Variants in SCN1A observed in about 807,000 individuals in gnomAD.
SCN1A encodes the protein sodium channel protein type 1 subunit alpha.
Under a neutral mutation model 193.7 loss-of-function variants are expected in SCN1A, and 13 were observed. That is an observed-to-expected ratio of 0.07 (90% CI 0.04 to 0.11). The LOEUF is 0.11. Ranked by LOEUF, SCN1A falls within the 10% of genes least tolerant of loss-of-function variation. SCN1A has a pLI of 1.00. For synonymous variants in SCN1A, 781 were observed against 843.6 expected, an observed-to-expected ratio of 0.93 and a Z score of 1.29; for missense variants, 1,432 against 2,451.1, an observed-to-expected ratio of 0.58 and a Z score of 8.78.
At chr2:166,107,548 T>A (rs559113108) in intron 2 of SCN1A, among the ~76,000 whole-genome samples, 13 of 152,150 alleles carry the variant, frequency 8.5e-5, no homozygotes, top group African/African-American at 3.1e-4. Flanking sequence ...AAGTATGAAT[T>A]TTATAGTGAT....
intron 4 of SCN1A, among the ~76,000 whole-genome samples, chr2:166,068,193 A>G (rs367885309): frequency 1.8e-4 from 28 of 152,230 alleles, no homozygotes; most frequent in African/African-American, 6.0e-4. Flanking sequence ...GATTCACTAG[A>G]CACATTTCCT....
At chr2:166,006,598 C>A (rs1691691699) in intron 23 of SCN1A, among the ~76,000 whole-genome samples, 2 of 151,192 alleles carry the variant, frequency 1.3e-5, no homozygotes, top group Non-Finnish European at 3.0e-5. Flanking sequence ...TTTATTCTAA[C>A]TTTTTGTTTA....
intron 2 of SCN1A, among the ~76,000 whole-genome samples, chr2:166,116,124 A>G (rs1229781056): frequency 1.3e-5 from 2 of 152,236 alleles, no homozygotes; most frequent in Non-Finnish European, 2.9e-5. Context: ...ATGCTGAATA[A>G]CTGAATAGCT....
At chr2:166,121,763 G>T (rs1315272727) in intron 2 of SCN1A, among the ~76,000 whole-genome samples, 3 of 152,092 alleles carry the variant, frequency 2.0e-5, no homozygotes, top group Non-Finnish European at 4.4e-5. Flanking sequence ...CATAAGTATT[G>T]CCAGAGACAA....
chr2:166,080,789 A>G (rs2106017013), intron 2 of SCN1A, among the ~76,000 whole-genome samples: 1 of 151,958 alleles, frequency 6.6e-6, no homozygotes, highest in South Asian at 2.1e-4. Flanking sequence ...AAAGAATTAT[A>G]AGGAAAAATT....
intron 17 of SCN1A, 84 bp downstream of exon 17, chr2:166,039,339 G>T: frequency 7.2e-7 from 1 of 1,397,666 alleles, no homozygotes; most frequent in Non-Finnish European, 9.9e-7. Flanking sequence ...TGGTTGTGTG[G>T]CAAAAAAACT....
intron 1 of SCN1A, among the ~76,000 whole-genome samples, chr2:166,144,736 G>A (rs951673941): frequency 1.3e-5 from 2 of 152,040 alleles, no homozygotes; most frequent in Non-Finnish European, 2.9e-5. Context: ...GTAGGATAGT[G>A]GAACGAGAAG....
rs140035595 is a variant in SCN1A at position 166,038,132 on chromosome 2, G to T, written c.2590C>A (p.Leu864Met). Residue 864 changes from leucine to methionine, a missense_variant and splice_region_variant, in exon 18 of 29, where the codon CTG becomes ATG. Around this residue, in one of 18 missense-constraint regions of SCN1A, gnomAD observed 93 missense variants for 260.4 expected, o/e 0.36. Coordinates refer to ENST00000674923, the MANE Select transcript of SCN1A (RefSeq NM_001165963.4). ...GATTTTGCCAACTTGAAAACTCGCA[G>T]CTGGAAAATGAAAGATTAATATATA... ...GLSVLRSFRL[L>M]RVFKLAKSWP... 1 of 1,603,816 alleles carries T rather than the reference G, an allele frequency of 6.2e-7. No individual in the cohort carries two copies. Among genetic ancestry groups the T allele is most frequent in the Non-Finnish European group, 8.5e-7 (1 of 1,172,340 alleles).
rs1037489044 is a variant in SCN1A, at chr2:165,986,442, A to G, written c.*4803T>C. The G allele has an allele frequency of 6.6e-6, 1 of 152,132 alleles. No homozygotes were observed. The highest frequency in any genetic ancestry group is 2.4e-5 in the African/African-American group (1 of 41,438). 9.4% of individuals were successfully genotyped at this position (152,132 alleles called of 1,614,324 possible). On this transcript the variant is annotated 3_prime_UTR_variant, in exon 29 of 29. Coordinates refer to ENST00000674923, the MANE Select transcript of SCN1A (RefSeq NM_001165963.4). Reference sequence around the variant, plus strand: ...ATCAAATACTGGGGTCTTAACCACTATGCCGCAGATCTTTTCTAAAATATT... The same window carrying G: ...ATCAAATACTGGGGTCTTAACCACTGTGCCGCAGATCTTTTCTAAAATATT...
Position 166,009,830 on chromosome 2 carries a change from G to T in SCN1A, c.3891C>A (p.Val1297=). The T allele has an allele frequency of 6.2e-7, 1 of 1,606,374 alleles. No individual in the cohort carries two copies. Among genetic ancestry groups the T allele is most frequent in the South Asian group, 1.1e-5 (1 of 90,898 alleles). Residue 1297 remains valine (V), a synonymous_variant, in exon 23 of 29, where the codon GTC becomes GTA. Transcript: ENST00000674923. Reference sequence around the variant, plus strand: ...AACCCAAGGCATTTGCTGTTAAACTGACCAATGAAACCTGCACACACAAAA... The same window carrying T: ...AACCCAAGGCATTTGCTGTTAAACTTACCAATGAAACCTGCACACACAAAA... ...LDFLIVDVSL[V]SLTANALGYS...
chr2:166,026,620 ATAAAG>A (rs1005241048), intron 19 of SCN1A, among the ~76,000 whole-genome samples: 3 of 151,652 alleles, frequency 2.0e-5, no homozygotes, highest in African/African-American at 7.3e-5. Flanking sequence ...CTATTCACTA[ATAAAG>A]TAATTTGTTC....
At chr2:166,018,849 T>TG (rs1172865187) in intron 19 of SCN1A, among the ~76,000 whole-genome samples, 3 of 152,134 alleles carry the variant, frequency 2.0e-5, no homozygotes, top group Non-Finnish European at 4.4e-5. Context: ...AGCAAGCGCT[T>TG]GTAAGTACCC....
At chr2:166,048,228 C>A (rs573951709) in intron 10 of SCN1A, among the ~76,000 whole-genome samples, 3 of 151,884 alleles carry the variant, frequency 2.0e-5, no homozygotes, top group Non-Finnish European at 4.4e-5. Context: ...TTCAGGGGTA[C>A]GTACATGTAC....
intron 21 of SCN1A, among the ~76,000 whole-genome samples, chr2:166,013,296 A>G (rs1344249214): frequency 3.3e-5 from 5 of 151,572 alleles, no homozygotes; most frequent in African/African-American, 7.2e-5. Flanking sequence ...TGAGCACACA[A>G]TTGGAAAAAG....
At position 166,073,364 on chromosome 2, in the gene SCN1A, A is replaced by T; in HGVS notation, c.258T>A (p.Asn86Lys). 6.2e-7 allele frequency: 1 copy of T among 1,613,790 alleles called. No homozygotes were observed. Among genetic ancestry groups the T allele is most frequent in the Non-Finnish European group, 8.5e-7 (1 of 1,180,006 alleles). ...CCTGATAAAAAACACTCACTTTCTT[A>T]TTGATATAGTAGGGGTCCAGGTCCT... ...PLEDLDPYYI[N>K]KKTFIVLNKG... Residue 86 changes from asparagine (N) to lysine (K), a missense_variant, in exon 4 of 29, where the codon AAT becomes AAA. Around this residue, in one of 18 missense-constraint regions of SCN1A, gnomAD observed 123 missense variants for 282.8 expected, o/e 0.43. Coordinates refer to ENST00000674923, the MANE Select transcript of SCN1A (RefSeq NM_001165963.4).
At chr2:165,997,744 C>A (rs558398271) in intron 26 of SCN1A, among the ~76,000 whole-genome samples, 3 of 151,188 alleles carry the variant, frequency 2.0e-5, no homozygotes, top group South Asian at 4.1e-4. Flanking sequence ...TATTCGGTTG[C>A]TTTCTAGTTT....
intron 19 of SCN1A, among the ~76,000 whole-genome samples, chr2:166,029,882 T>A (rs1431958980): frequency 6.6e-6 from 1 of 152,040 alleles, no homozygotes; most frequent in Non-Finnish European, 1.5e-5. Flanking sequence ...GACTAAGTGC[T>A]CTCTAAGTAG....
Position 166,091,009 on chromosome 2 carries a change from G to A in SCN1A, c.-141-13208C>T, listed in dbSNP as rs528784399. The stretch of plus-strand genomic sequence containing the variant: ...ATTGCATCACAATCTGCATGAAACA[G>A]ATGTCAGGATATAATGAACTAACCT... On this transcript the variant is annotated intron_variant, in intron 2 of 28. Transcript: ENST00000674923. Among the ~76,000 whole-genome samples, 16 of 152,294 alleles carry A rather than the reference G, an allele frequency of 1.1e-4. No individual in the cohort carries two copies. The East Asian group carries it at 2.1e-3, about 20-fold the overall frequency.
intron 1 of SCN1A, among the ~76,000 whole-genome samples, chr2:166,138,512 G>A (rs554208000): frequency 6.6e-6 from 1 of 152,342 alleles, no homozygotes; most frequent in African/African-American, 2.4e-5. Flanking sequence ...CAAGCCTCAA[G>A]CCTTGGCAGC....
Sources: gnomAD v4.1 joint callset for allele counts (sites outside exome capture counted in the v4.1 genomes callset) on GRCh38, gnomAD v4.1.1 for gene constraint, gnomAD v4.1.1 regional missense constraint, MANE v1.5 for transcripts, NCBI Gene and HGNC (gene_info 2026-07-23, HGNC 2026-07-21) for gene names.